Variants in CBLB observed in about 807,000 individuals in gnomAD.
The protein encoded by CBLB is E3 ubiquitin-protein ligase CBL-B.
In CBLB, 31 loss-of-function variants were observed where a neutral mutation model predicts 104.9. That is an observed-to-expected ratio of 0.30 (90% confidence interval 0.22 to 0.40). CBLB has a LOEUF of 0.40. CBLB is among the 10% of genes least tolerant of loss of function. The probability of loss-of-function intolerance (pLI) is 1.00; values close to 1 mark genes in which losing one functional copy is unlikely to be tolerated. For synonymous variants in CBLB, 440 were observed against 422.6 expected (o/e 1.04, Z -0.51); for missense variants, 1,062 against 1,214.6 (o/e 0.87, Z 1.87).
chr3:105,741,173 T>TTTATCTAATTAAA lies in CBLB; in HGVS notation c.846-543_846-542insTTTAATTAGATAA, dbSNP rs2075524783. Among the ~76,000 whole-genome samples, 4 of 150,772 alleles carry TTTATCTAATTAAA rather than the reference T, an allele frequency of 2.7e-5. No individual in the cohort carries two copies. In the South Asian group the frequency reaches 8.5e-4, roughly 32 times the overall value. Reference sequence around the variant, plus strand: ...TAGAATTCGATATATTCCTTTGTAATTTAGACATTAAAATTAGTTTGTTTG... The same window carrying TTTATCTAATTAAA: ...TAGAATTCGATATATTCCTTTGTAATTTATCTAATTAAATTAGACATTAAAATTAGTTTGTTTG... On this transcript the variant is annotated intron_variant, in intron 6 of 18. Transcript: ENST00000394030.
At chr3:105,696,757 A>G (rs1306691154) in intron 12 of CBLB, among the ~76,000 whole-genome samples, 1 of 151,926 alleles carries the variant, frequency 6.6e-6, no homozygotes, top group Non-Finnish European at 1.5e-5. Context: ...CTACCAAATT[A>G]TGATTACTTA....
intron 3 of CBLB, among the ~76,000 whole-genome samples, chr3:105,782,560 G>C (rs2080388009): frequency 6.7e-6 from 1 of 149,042 alleles, no homozygotes; most frequent in Non-Finnish European, 1.5e-5. Flanking sequence ...TGATCTCTCT[G>C]TAGTATTCTT....
At chr3:105,854,849 T>A (rs2091405385) in intron 2 of CBLB, among the ~76,000 whole-genome samples, 1 of 152,108 alleles carries the variant, frequency 6.6e-6, no homozygotes. Flanking sequence ...GTCAGGCTGG[T>A]CTCGAACTCC....
rs9657911 is a variant in CBLB, at chr3:105,657,476, A to T, written c.*1494T>A. On this transcript the variant is annotated 3_prime_UTR_variant, in exon 19 of 19. Transcript: ENST00000394030. ...TGAAATGAAAACCAGCTAATTCTAA[A>T]TTCTAAAGCCCTGGGGGAAACCTTC... The T allele has an allele frequency of 6.4e-3, 1,331 of 209,122 alleles. 7 individuals carry two copies. The highest frequency in any genetic ancestry group is 8.4e-3 in the Non-Finnish European group (858 of 102,672). The allele number at this position is 209,122 out of a possible 1,614,324, so 13.0% of individuals were successfully genotyped here. A position where few individuals can be genotyped will look rare whatever the true frequency, so the allele number is the denominator to read the frequency against.
intron 10 of CBLB, among the ~76,000 whole-genome samples, chr3:105,708,230 G>T (rs1232149309): frequency 2.6e-5 from 4 of 152,036 alleles, no homozygotes; most frequent in South Asian, 4.1e-4. Flanking sequence ...AGCTGTTGGG[G>T]TAAAACAATA....
chr3:105,734,038 T>C lies in CBLB; in HGVS notation c.1174A>G (p.Met392Val). 6.2e-7 allele frequency: 1 copy of C among 1,614,066 alleles called. No individual in the cohort carries two copies. Among genetic ancestry groups the C allele is most frequent in the Non-Finnish European group, 8.5e-7 (1 of 1,179,902 alleles). Residue 392 changes from methionine to valine, a missense_variant, in exon 9 of 19, where the codon ATG (methionine) becomes GTG (valine). Around this residue, in one of 2 missense-constraint regions of CBLB, gnomAD observed 457 missense variants for 632.0 expected, o/e 0.72. Coordinates refer to ENST00000394030, the MANE Select transcript of CBLB (RefSeq NM_170662.5). ...DVKIEPCGHL[M>V]CTSCLTAWQE... Reference sequence around the variant, plus strand: ...CATGCCGTAAGGCAAGAGGTGCACATCAAATGCCCACAAGGCTCAATCTTG... The same window carrying C: ...CATGCCGTAAGGCAAGAGGTGCACACCAAATGCCCACAAGGCTCAATCTTG...
chr3:105,660,016 CA>C (rs982452988), intron 18 of CBLB, among the ~76,000 whole-genome samples: 1 of 152,050 alleles, frequency 6.6e-6, no homozygotes, highest in Non-Finnish European at 1.5e-5. Flanking sequence ...ATACAGCCTC[CA>C]ATTTAAACCA....
At chr3:105,659,566 C>T (rs2063582608) in intron 18 of CBLB, among the ~76,000 whole-genome samples, 1 of 152,154 alleles carries the variant, frequency 6.6e-6, no homozygotes, top group African/African-American at 2.4e-5. Context: ...AAGCCTTTCA[C>T]TTTGTTTAGC....
At chr3:105,761,330 C>A (rs967133689) in intron 4 of CBLB, among the ~76,000 whole-genome samples, 1 of 152,178 alleles carries the variant, frequency 6.6e-6, no homozygotes, top group African/African-American at 2.4e-5. Flanking sequence ...CTGCACCCAC[C>A]CCCTAAACAC....
intron 10 of CBLB, among the ~76,000 whole-genome samples, chr3:105,718,725 C>T (rs1031514910): frequency 1.3e-5 from 2 of 152,092 alleles, no homozygotes; most frequent in South Asian, 2.1e-4. Context: ...AACTCAGCGG[C>T]GGTAAGTATC....
intron 9 of CBLB, 89 bp from the exon 10 acceptor site, chr3:105,720,339 C>A: frequency 7.7e-7 from 1 of 1,305,236 alleles, no homozygotes; most frequent in Non-Finnish European, 1.1e-6. Context: ...ATAAAAGTCA[C>A]ACCCCCAAAA....
intron 2 of CBLB, 119 bp downstream of exon 2, chr3:105,867,291 G>T: frequency 9.9e-7 from 1 of 1,008,404 alleles, no homozygotes; most frequent in Non-Finnish European, 1.6e-6. Flanking sequence ...ATGATGAATT[G>T]AAATCAAAAG....
chr3:105,779,947 G>A (rs540121960), intron 3 of CBLB, among the ~76,000 whole-genome samples: 11 of 150,300 alleles, frequency 7.3e-5, no homozygotes, highest in South Asian at 2.1e-4. Flanking sequence ...TCTGCCTCCC[G>A]GGTTCAAGCA....
intron 7 of CBLB, 37 bp downstream of exon 7, chr3:105,740,456 GA>G: frequency 1.2e-5 from 20 of 1,610,310 alleles, no homozygotes; most frequent in Non-Finnish European, 1.7e-5. Flanking sequence ...TCAAATTCAT[GA>G]ATCATAAGCA....
At chr3:105,659,620 T>C (rs893815209) in intron 18 of CBLB, among the ~76,000 whole-genome samples, 3 of 152,220 alleles carry the variant, frequency 2.0e-5, no homozygotes, top group Non-Finnish European at 1.5e-5. Flanking sequence ...TGGTTGATGG[T>C]TCTCCAGAGG....
chr3:105,838,576 G>A (rs1453487368), intron 3 of CBLB, among the ~76,000 whole-genome samples: 1 of 151,872 alleles, frequency 6.6e-6, no homozygotes, highest in Non-Finnish European at 1.5e-5. Context: ...TCCAAGGATA[G>A]TGATTAGGCT....
intron 10 of CBLB, among the ~76,000 whole-genome samples, chr3:105,710,261 C>T (rs72993737): frequency 6.6e-6 from 1 of 151,840 alleles, no homozygotes; most frequent in African/African-American, 2.4e-5. Context: ...TCCTTTTGAG[C>T]ACTGCTTAAA....
intron 3 of CBLB, among the ~76,000 whole-genome samples, chr3:105,846,932 A>G (rs1160703331): frequency 2.0e-5 from 3 of 152,090 alleles, no homozygotes; most frequent in Non-Finnish European, 4.4e-5. Context: ...CCATGCTATC[A>G]ACATTTGTAT....
At chr3:105,717,507 A>G (rs1354349396) in intron 10 of CBLB, among the ~76,000 whole-genome samples, 1 of 152,244 alleles carries the variant, frequency 6.6e-6, no homozygotes, top group Non-Finnish European at 1.5e-5. Context: ...GAATTTAAAT[A>G]TACACCACTT....
Sources: allele counts gnomAD v4.1 joint callset (sites outside exome capture counted in the v4.1 genomes callset), GRCh38; gene constraint gnomAD v4.1.1; regional missense constraint gnomAD v4.1.1; transcripts MANE v1.5; gene names NCBI Gene and HGNC (gene_info 2026-07-23, HGNC 2026-07-21).